Variants in NEBL observed in about 807,000 individuals in gnomAD.
NEBL encodes the protein LIM and SH3 protein 2.
In NEBL, 122 loss-of-function variants were observed where a neutral mutation model predicts 140.2. The ratio of observed to expected loss-of-function variants is 0.87; its 90% CI spans 0.75 to 1.01. NEBL has a LOEUF of 1.01. Ranked by LOEUF, NEBL falls within the 50% of genes least tolerant of loss-of-function variation. The pLI is 0.00. For synonymous variants in NEBL, 436 were observed against 398.9 expected (o/e 1.09, Z -1.11); for missense variants, 1,365 against 1,231.3 (o/e 1.11, Z -1.62).
At chr10:20,843,135 C>T (rs563493243) in intron 12 of NEBL, among the ~76,000 whole-genome samples, 2 of 152,044 alleles carry the variant, frequency 1.3e-5, no homozygotes, top group South Asian at 4.1e-4. Flanking sequence ...AGTGGGACTC[C>T]CTTGATAAGA....
chr10:21,162,061 C>T (rs1257026923), intron 2 of NEBL, among the ~76,000 whole-genome samples: 3 of 152,126 alleles, frequency 2.0e-5, no homozygotes, highest in African/African-American at 4.8e-5. Context: ...AATCACATCA[C>T]CAATGAGTCA....
chr10:21,187,152 C>T (rs1046050173), intron 3 of NEBL, among the ~76,000 whole-genome samples: 2 of 152,068 alleles, frequency 1.3e-5, no homozygotes, highest in Non-Finnish European at 2.9e-5. Flanking sequence ...CACATGCACA[C>T]GTCTGAAAGG....
chr10:21,189,768 A>T (rs1841543624), intron 3 of NEBL, among the ~76,000 whole-genome samples: 1 of 152,150 alleles, frequency 6.6e-6, no homozygotes, highest in Non-Finnish European at 1.5e-5. Context: ...CGCCTGGCCC[A>T]GCCTTCTGTT....
chr10:20,861,080 CT>C (rs1843652772), intron 7 of NEBL, among the ~76,000 whole-genome samples: 1 of 152,028 alleles, frequency 6.6e-6, no homozygotes, highest in African/African-American at 2.4e-5. Flanking sequence ...TATTTTGTGT[CT>C]TGAAATCAAT....
chr10:21,141,883 C>G (rs1480805094), intron 2 of NEBL, among the ~76,000 whole-genome samples: 1 of 152,146 alleles, frequency 6.6e-6, no homozygotes, highest in African/African-American at 2.4e-5. Flanking sequence ...CATAGGGTGC[C>G]TGAGGTCCAG....
At chr10:21,223,426 A>G (rs1369855003) in intron 3 of NEBL, among the ~76,000 whole-genome samples, 3 of 152,184 alleles carry the variant, frequency 2.0e-5, no homozygotes, top group Non-Finnish European at 4.4e-5. Flanking sequence ...TATATGTACC[A>G]CATTTTCTTT....
At chr10:21,202,450 C>CTTTTCT (rs1371101175) in intron 3 of NEBL, among the ~76,000 whole-genome samples, 1 of 133,284 alleles carries the variant, frequency 7.5e-6, no homozygotes, top group Non-Finnish European at 1.6e-5. Flanking sequence ...TCTAATTTTT[C>CTTTTCT]TTTTCTTTTT....
chr10:20,868,683 G>A lies in NEBL; in HGVS notation c.665C>T (p.Ala222Val), dbSNP rs1564402683. 2 of 1,609,996 alleles carry A rather than the reference G, an allele frequency of 1.2e-6. No individual in the cohort carries two copies. Among genetic ancestry groups the A allele is most frequent in the Middle Eastern group, 1.7e-4 (1 of 6,056 alleles). ...CCTTACTTGACTAGAAAGTTTAGAA[G>A]CTTCCACGGCATGTTCAAAATCTGG... ...GRPDFEHAVE[A>V]SKLSSQIKYK... The change falls in exon 7 of 28, where the codon GCT becomes GTT. Residue 222 changes from alanine to valine, a missense_variant. Transcript: ENST00000377122.
At chr10:21,067,836 C>T (rs931235341) in intron 2 of NEBL, among the ~76,000 whole-genome samples, 7 of 152,006 alleles carry the variant, frequency 4.6e-5, no homozygotes, top group Non-Finnish European at 1.0e-4. Context: ...AAAACATCAG[C>T]TGGGCATGGT....
At chr10:20,998,176 T>G (rs778392576) in intron 3 of NEBL, among the ~76,000 whole-genome samples, 1 of 152,180 alleles carries the variant, frequency 6.6e-6, no homozygotes, top group Non-Finnish European at 1.5e-5. Flanking sequence ...AATGCTGAGA[T>G]AGCTAATAAG....
At chr10:21,193,119 C>T (rs191115306) in intron 3 of NEBL, among the ~76,000 whole-genome samples, 13 of 151,986 alleles carry the variant, frequency 8.6e-5, no homozygotes, top group Non-Finnish European at 1.6e-4. Context: ...TCCCAATGCT[C>T]CCAGGATGTA....
chr10:20,931,126 AT>A (rs1344368882), intron 4 of NEBL, among the ~76,000 whole-genome samples: 1 of 148,982 alleles, frequency 6.7e-6, no homozygotes, highest in African/African-American at 2.5e-5. Context: ...GAAAAAAAAA[AT>A]AAACTCTCTA....
At position 20,783,495 on chromosome 10, in the gene NEBL, T is replaced by C. The variant is rs1835162604; in HGVS notation, c.*2252A>G. 6.6e-6 allele frequency: 1 copy of C among 152,230 alleles called. No individual in the cohort carries two copies. Among genetic ancestry groups the C allele is most frequent in the South Asian group, 2.1e-4 (1 of 4,834 alleles). 9.4% of individuals were successfully genotyped at this position (152,230 alleles called of 1,614,324 possible). Reference sequence around the variant, plus strand: ...AATATGTATTGACTTTTATGCTCAGTGAATCTGGTTTTGAAATCGGTGGAT... The same window carrying C: ...AATATGTATTGACTTTTATGCTCAGCGAATCTGGTTTTGAAATCGGTGGAT... On this transcript the variant is annotated 3_prime_UTR_variant, in exon 28 of 28. Transcript: ENST00000377122.
intron 2 of NEBL, among the ~76,000 whole-genome samples, chr10:21,080,830 TA>T (rs1211721581): frequency 6.6e-6 from 1 of 152,130 alleles, no homozygotes; most frequent in Non-Finnish European, 1.5e-5. Context: ...GTGTCATTTT[TA>T]AAATGTGATC....
At chr10:21,102,772 T>A (rs1007841813) in intron 2 of NEBL, among the ~76,000 whole-genome samples, 3 of 152,232 alleles carry the variant, frequency 2.0e-5, no homozygotes, top group Non-Finnish European at 4.4e-5. Flanking sequence ...CTGCTATGCA[T>A]GTTTGTGTAC....
chr10:21,010,137 T>C (rs1467263034), intron 3 of NEBL, among the ~76,000 whole-genome samples: 1 of 152,242 alleles, frequency 6.6e-6, no homozygotes, highest in Non-Finnish European at 1.5e-5. Flanking sequence ...AATGAGCCTG[T>C]TAATTTAATG....
At chr10:21,276,279 C>T (rs990720430) in intron 1 of NEBL, among the ~76,000 whole-genome samples, 3 of 152,100 alleles carry the variant, frequency 2.0e-5, no homozygotes, top group African/African-American at 7.2e-5. Flanking sequence ...GCCCAACTTA[C>T]CACCTTTCTG....
At chr10:21,273,018 C>A (rs995897144) in intron 1 of NEBL, among the ~76,000 whole-genome samples, 2 of 152,120 alleles carry the variant, frequency 1.3e-5, no homozygotes, top group African/African-American at 4.8e-5. Flanking sequence ...AAACAAAAAT[C>A]TAGGTACAGG....
chr10:21,067,512 G>C lies in NEBL; in HGVS notation c.165-47311C>G, dbSNP rs538857440. 1.7e-3 allele frequency among the ~76,000 whole-genome samples: 257 copies of C among 152,238 alleles called. 1 individual carries two copies. Among genetic ancestry groups the C allele is most frequent in the African/African-American group, 6.0e-3 (248 of 41,558 alleles). ...GAGAACAAGAAGGGAACAAGTAAGA[G>C]AAACAGTTATGTATGCCAAAAAACA... On this transcript the variant is annotated intron_variant, in intron 2 of 6. Coordinates refer to the NEBL transcript ENST00000417816.
Sources: gnomAD v4.1 joint callset for allele counts (sites outside exome capture counted in the v4.1 genomes callset) on GRCh38, gnomAD v4.1.1 for gene constraint, MANE v1.5 for transcripts, NCBI Gene and HGNC (gene_info 2026-07-23, HGNC 2026-07-21) for gene names.